The following KCNN2 variants were observed in gnomAD, a reference collection of about 807,000 sequenced individuals.
The protein encoded by KCNN2 is small conductance calcium-activated potassium channel protein 2.
KCNN2 carries 24 observed loss-of-function variants against 55.5 expected under a neutral mutation model. That is an observed-to-expected ratio of 0.43 (90% CI 0.31 to 0.61). The LOEUF (loss-of-function observed/expected upper bound fraction) is 0.61. Ranked by LOEUF, KCNN2 falls within the 20% of genes least tolerant of loss-of-function variation. The pLI is 0.08. For missense variants in KCNN2, 754 were observed against 853.6 expected (o/e 0.88, Z 1.45); for synonymous variants, 431 against 336.1 (o/e 1.28, Z -3.09).
At chr5:114,337,020 G>T (rs1756934390) in intron 2 of KCNN2, among the ~76,000 whole-genome samples, 1 of 152,030 alleles carries the variant, frequency 6.6e-6, no homozygotes, top group Admixed American at 6.6e-5. Context: ...TCTGATTTTT[G>T]ATATTTTTTT....
chr5:114,253,867 T>C (rs971933421), intron 2 of KCNN2: 1 of 152,232 alleles, frequency 6.6e-6, no homozygotes, highest in Non-Finnish European at 1.5e-5. Flanking sequence ...TATTAGATTG[T>C]TAGATGTATA....
intron 1 of KCNN2, among the ~76,000 whole-genome samples, chr5:114,164,112 A>T (rs1561504754): frequency 1.3e-5 from 2 of 152,220 alleles, no homozygotes; most frequent in Non-Finnish European, 2.9e-5. Flanking sequence ...TTACAAAAGT[A>T]TTCAAAAAGT....
At chr5:114,144,197 C>T (rs757352817) in intron 1 of KCNN2, among the ~76,000 whole-genome samples, 5 of 152,104 alleles carry the variant, frequency 3.3e-5, no homozygotes, top group South Asian at 2.1e-4. Flanking sequence ...TATGTTGAAA[C>T]GGAGTTATAC....
At chr5:114,488,302 A>G (rs751518297) in intron 6 of KCNN2, among the ~76,000 whole-genome samples, 1 of 152,126 alleles carries the variant, frequency 6.6e-6, no homozygotes, top group Non-Finnish European at 1.5e-5. Context: ...TCTGGCCTTC[A>G]TTGCTACTCA....
At chr5:114,297,788 A>C in intron 2 of KCNN2, among the ~76,000 whole-genome samples, 1 of 152,324 alleles carries the variant, frequency 6.6e-6, no homozygotes, top group Non-Finnish European at 1.5e-5. Flanking sequence ...AGTTTTAATA[A>C]CATGAAAAAT....
At position 114,100,743 on chromosome 5, in the gene KCNN2, G is replaced by A. The variant is rs141637779; in HGVS notation, c.-271+44243G>A. Among the ~76,000 whole-genome samples the A allele has an allele frequency of 4.0e-3, 609 of 152,214 alleles. 5 individuals are homozygous for A. The highest frequency in any genetic ancestry group is 0.017 in the Middle Eastern group (5 of 294). On this transcript the variant is annotated intron_variant, in intron 1 of 10. Transcript: ENST00000512097. ...AGAAATTATGGATTCCGGGTCAGAG[G>A]AGAAGTATAAGCCAAGCCTAAACTA... is the stretch of plus-strand genomic sequence containing the variant.
intron 2 of KCNN2, among the ~76,000 whole-genome samples, chr5:114,237,507 T>G (rs1015971318): frequency 2.0e-5 from 3 of 152,058 alleles, no homozygotes; most frequent in African/African-American, 7.2e-5. Flanking sequence ...ATTTGGTACC[T>G]GAAGGTGGAG....
chr5:114,189,754 C>T (rs552689105), intron 1 of KCNN2, among the ~76,000 whole-genome samples: 3 of 152,228 alleles, frequency 2.0e-5, no homozygotes, highest in Admixed American at 6.5e-5. Flanking sequence ...AGAACTTAAA[C>T]GTCTATAGTA....
chr5:114,148,853 C>G (rs12110227), intron 1 of KCNN2, among the ~76,000 whole-genome samples: 4,700 of 152,110 alleles, frequency 0.031, 255 homozygotes, highest in African/African-American at 0.11. Context: ...GGGTCAGCTA[C>G]TCGAGGTACA....
chr5:114,344,704 C>T (rs1190777487), intron 2 of KCNN2, among the ~76,000 whole-genome samples: 2 of 152,208 alleles, frequency 1.3e-5, no homozygotes, highest in Admixed American at 6.5e-5. Flanking sequence ...ACTCCTATCA[C>T]TTGGGAGAGT....
rs189888332 is a variant in KCNN2 at position 114,272,859 on chromosome 5, C to A, written c.-185+51294C>A. ...CAAAAACTTGTCTCATTCTTTCCAA[C>A]ATTTATAGTTGTCATTTGTTCTTTT... is the stretch of plus-strand genomic sequence containing the variant. On this transcript the variant is annotated intron_variant, in intron 2 of 10. Transcript: ENST00000512097. Among the ~76,000 whole-genome samples, 10 of 152,108 alleles carry A rather than the reference C, an allele frequency of 6.6e-5. No homozygotes were observed. In the East Asian group the frequency reaches 1.9e-3, roughly 29 times the overall value.
intron 2 of KCNN2, chr5:114,253,376 GA>G (rs1215958358): frequency 6.6e-6 from 1 of 152,180 alleles, no homozygotes; most frequent in Non-Finnish European, 1.5e-5. Context: ...TGGGTAGACA[GA>G]AGCAGAGAAA....
chr5:114,365,412 A>G (rs1158821263), intron 2 of KCNN2, among the ~76,000 whole-genome samples: 1 of 152,250 alleles, frequency 6.6e-6, no homozygotes, highest in Non-Finnish European at 1.5e-5. Context: ...TTTTAAAGTG[A>G]TACTAAAATA....
intron 1 of KCNN2, among the ~76,000 whole-genome samples, chr5:114,152,278 T>C (rs72797657): frequency 0.018 from 2,766 of 152,322 alleles, 34 homozygotes; most frequent in Non-Finnish European, 0.027. Context: ...TGAAAATATT[T>C]GGATAGCAAA....
chr5:114,364,252 T>C (rs912749432), intron 2 of KCNN2, among the ~76,000 whole-genome samples: 16 of 152,206 alleles, frequency 1.1e-4, no homozygotes, highest in Non-Finnish European at 2.4e-4. Context: ...TTTACTTCTC[T>C]TCAGTAGGTG....
At chr5:114,482,032 G>T (rs1762250833) in intron 5 of KCNN2, among the ~76,000 whole-genome samples, 1 of 152,094 alleles carries the variant, frequency 6.6e-6, no homozygotes. Context: ...TTGACAAATG[G>T]GATCTAATTA....
intron 2 of KCNN2, among the ~76,000 whole-genome samples, chr5:114,365,012 C>G (rs994266703): frequency 6.6e-6 from 1 of 151,480 alleles, no homozygotes; most frequent in Non-Finnish European, 1.5e-5. Context: ...AATTTAAAAT[C>G]TTATATAGGA....
chr5:114,160,911 A>C (rs1752762460), intron 1 of KCNN2, among the ~76,000 whole-genome samples: 1 of 151,934 alleles, frequency 6.6e-6, no homozygotes, highest in African/African-American at 2.4e-5. Flanking sequence ...TGCACGTGAG[A>C]TGGGTTTCCT....
chr5:114,220,261 G>T (rs1754105472), intron 1 of KCNN2, among the ~76,000 whole-genome samples: 1 of 152,020 alleles, frequency 6.6e-6, no homozygotes, highest in Non-Finnish European at 1.5e-5. Flanking sequence ...ATTGCCAATT[G>T]ATATATTAAT....
Sources: gnomAD v4.1 joint callset for allele counts (sites outside exome capture counted in the v4.1 genomes callset) on GRCh38, gnomAD v4.1.1 for gene constraint, MANE v1.5 for transcripts, NCBI Gene and HGNC (gene_info 2026-07-23, HGNC 2026-07-21) for gene names.